Variants in CCND3 observed in about 807,000 individuals in gnomAD.
The protein encoded by CCND3 is G1/S-specific cyclin-D3.
Under a neutral mutation model 28.7 loss-of-function variants are expected in CCND3, and 9 were observed. That is an observed-to-expected ratio of 0.31 (90% CI 0.19 to 0.55). The LOEUF (loss-of-function observed/expected upper bound fraction) is 0.55. Among genes scored for constraint, CCND3 ranks in the 20% least tolerant of loss-of-function variants. The pLI is 0.93. For synonymous variants in CCND3, 164 were observed against 163.9 expected (o/e 1.00, Z 0.00); for missense variants, 315 against 385.8 (o/e 0.82, Z 1.54).
rs143999155 is a variant in CCND3 at position 42,015,178 on chromosome 6, G to A, written c.-46+33323C>T. Among the ~76,000 whole-genome samples, 338 of 152,060 alleles carry A rather than the reference G, an allele frequency of 2.2e-3. 2 individuals carry two copies. Among genetic ancestry groups the A allele is most frequent in the African/African-American group, 8.0e-3 (331 of 41,492 alleles). ...AGGTCATACATCTAGCATGAATCTG[G>A]GCCAGGATTTTAAACCCAGGCAGTC... On this transcript the variant is annotated intron_variant, in intron 1 of 4. Transcript: ENST00000372988.
chr6:42,004,198 C>T (rs1021869831), intron 1 of CCND3, among the ~76,000 whole-genome samples: 3 of 151,002 alleles, frequency 2.0e-5, no homozygotes, highest in African/African-American at 7.3e-5. Context: ...CAGGTTCAAG[C>T]GCTTCTCATC....
chr6:41,955,177 C>A (rs1039672273), intron 1 of CCND3, among the ~76,000 whole-genome samples: 1 of 152,040 alleles, frequency 6.6e-6, no homozygotes, highest in Non-Finnish European at 1.5e-5. Context: ...CTTACACAAA[C>A]GCTTTCAGAG....
At chr6:42,003,158 G>A (rs140638828) in intron 1 of CCND3, among the ~76,000 whole-genome samples, 1,397 of 60,690 alleles carry the variant, frequency 0.023, 34 homozygotes, top group African/African-American at 0.089. Context: ...GCGAAACAGC[G>A]TGTCAAAAAA....
intron 1 of CCND3, among the ~76,000 whole-genome samples, chr6:42,027,722 T>C (rs183023388): frequency 1.3e-5 from 2 of 151,564 alleles, no homozygotes; most frequent in Admixed American, 6.6e-5. Context: ...TCTTAGCCTC[T>C]CTAAGCCTCA....
At chr6:41,994,282 G>A (rs191890518) in intron 1 of CCND3, among the ~76,000 whole-genome samples, 1 of 152,104 alleles carries the variant, frequency 6.6e-6, no homozygotes, top group African/African-American at 2.4e-5. Context: ...TAGGGGTGTA[G>A]GAGGCTATTC....
intron 1 of CCND3, among the ~76,000 whole-genome samples, chr6:41,987,515 CTCTGTGTGTGTGTGTGTGTGTGTG>C (rs1762523729): frequency 2.4e-5 from 1 of 41,240 alleles, no homozygotes; most frequent in Non-Finnish European, 3.9e-5. Context: ...CTCTCTCTCT[CTCTGTGTGTGTGTGTGTGTGTGTG>C]TGTGTGTGTG....
At chr6:41,947,258 G>T (rs1053594006) in intron 1 of CCND3, among the ~76,000 whole-genome samples, 2 of 151,962 alleles carry the variant, frequency 1.3e-5, no homozygotes, top group Admixed American at 1.3e-4. Context: ...CAGCCTGGAT[G>T]GGCATTTAAA....
chr6:41,940,221 C>T, intron 2 of CCND3, 149 bp downstream of exon 2: 1 of 705,996 alleles, frequency 1.4e-6, no homozygotes, highest in South Asian at 1.6e-5. Flanking sequence ...AATGCCCCAT[C>T]GTTTGTTCCA....
chr6:41,994,557 T>C (rs1438760617), intron 1 of CCND3, among the ~76,000 whole-genome samples: 1 of 152,182 alleles, frequency 6.6e-6, no homozygotes, highest in African/African-American at 2.4e-5. Flanking sequence ...ACATGTCATA[T>C]GTTTGTCAAA....
chr6:41,952,186 G>T (rs1217001788), intron 1 of CCND3, among the ~76,000 whole-genome samples: 1 of 152,204 alleles, frequency 6.6e-6, no homozygotes, highest in Non-Finnish European at 1.5e-5. Context: ...GATACAAAGG[G>T]ATTAGGCAAC....
intron 1 of CCND3, among the ~76,000 whole-genome samples, chr6:42,027,650 C>T (rs998922500): frequency 6.6e-6 from 1 of 152,136 alleles, no homozygotes; most frequent in East Asian, 1.9e-4. Flanking sequence ...AGTGTGTGGG[C>T]TTAACACCAG....
intron 1 of CCND3, among the ~76,000 whole-genome samples, chr6:41,972,240 A>AAAAGAAAAGAAAAG (rs59527289): frequency 0.015 from 1,446 of 99,540 alleles, 19 homozygotes; most frequent in African/African-American, 0.03. Context: ...AAAAAAAAAA[A>AAAAGAAAAGAAAAG]AAAAGAAAAG....
chr6:41,964,354 C>CTG (rs573244405), intron 1 of CCND3, among the ~76,000 whole-genome samples: 1 of 132,136 alleles, frequency 7.6e-6, no homozygotes, highest in Non-Finnish European at 1.7e-5. Flanking sequence ...GTGTGTGAGT[C>CTG]TGTGTGTGTA....
At chr6:41,968,238 C>CT in intron 1 of CCND3, among the ~76,000 whole-genome samples, 1 of 152,074 alleles carries the variant, frequency 6.6e-6, no homozygotes, top group Non-Finnish European at 1.5e-5. Context: ...ATGAAAGAAA[C>CT]TTTGATGTCC....
intron 1 of CCND3, among the ~76,000 whole-genome samples, chr6:41,994,915 T>C (rs1762752433): frequency 6.6e-6 from 1 of 151,684 alleles, no homozygotes; most frequent in Non-Finnish European, 1.5e-5. Flanking sequence ...CTACTACAAA[T>C]ACAAAAATTA....
rs1776012404 is a variant in CCND3 at position 41,941,420 on chromosome 6, C to A, written c.198+32G>T. 6 of 1,600,678 alleles carry A rather than the reference C, an allele frequency of 3.7e-6. No individual in the cohort carries two copies. Among genetic ancestry groups the A allele is most frequent in the Non-Finnish European group, 5.1e-6 (6 of 1,175,810 alleles). On this transcript the variant is annotated intron_variant, in intron 1 of 4. Transcript: ENST00000372991. The surrounding 1 kb of genome is among the most constrained non-coding windows in gnomAD (Gnocchi z 6.1). ...GCCCCGGTGTGTCCAGACCCGGGAG[C>A]GGTGGGGGAGGGGGACGCGTCCGGG...
At chr6:41,985,932 T>A in intron 1 of CCND3, among the ~76,000 whole-genome samples, 1 of 146,958 alleles carries the variant, frequency 6.8e-6, no homozygotes. Flanking sequence ...CCCGGCCCAG[T>A]TTAAGTCTTT....
rs1013186322 is a variant in CCND3, at chr6:41,984,567, C to T, written c.-45-43982G>A. On this transcript the variant is annotated intron_variant, in intron 1 of 4. Transcript: ENST00000372988. ...TTCACCATGTTGGCCAGGCTGGTCT[C>T]GAACTCCTGACCTCAGGTGATACAC... Among the ~76,000 whole-genome samples the T allele has an allele frequency of 3.3e-5, 5 of 152,134 alleles. No individual in the cohort carries two copies. In the South Asian group the frequency reaches 6.2e-4, roughly 19 times the overall value.
chr6:42,037,101 G>A (rs1764242131), intron 1 of CCND3, among the ~76,000 whole-genome samples: 1 of 151,932 alleles, frequency 6.6e-6, no homozygotes, highest in Admixed American at 6.6e-5. Flanking sequence ...ACCACACCTG[G>A]CTAATTTTTC....
Sources: allele counts gnomAD v4.1 joint callset (sites outside exome capture counted in the v4.1 genomes callset), GRCh38; gene constraint gnomAD v4.1.1; non-coding constraint Gnocchi (gnomAD v3.1); transcripts MANE v1.5; gene names NCBI Gene and HGNC (gene_info 2026-07-23, HGNC 2026-07-21).